The following ZNF469 variants were observed in gnomAD, a reference collection of about 807,000 sequenced individuals.
ZNF469 encodes zinc finger protein 469.
In ZNF469, 1 loss-of-function variant was observed where a neutral mutation model predicts 1.0. That is an observed-to-expected ratio of 1.00 (90% CI 0.35 to 4.73). The LOEUF (loss-of-function observed/expected upper bound fraction) is 4.73, where lower values mean the gene tolerates loss of function less well. Among genes scored for constraint, ZNF469 ranks in the 30% most tolerant of loss-of-function variants. ZNF469 has a pLI of 0.16. For synonymous variants in ZNF469, 2,703 were observed against 2,363.4 expected, an observed-to-expected ratio of 1.14 and a Z score of -4.17; for missense variants, 6,100 against 5,356.3, an observed-to-expected ratio of 1.14 and a Z score of -4.33.
Position 88,429,354 on chromosome 16 carries a change from C to G in ZNF469, c.1884C>G (p.Pro628=). 1.3e-6 allele frequency: 2 copies of G among 1,549,858 alleles called. No homozygotes were observed. Among genetic ancestry groups the G allele is most frequent in the Non-Finnish European group, 1.7e-6 (2 of 1,146,784 alleles). Residue 628 remains proline, a synonymous_variant, in exon 3 of 3, where the codon CCC becomes CCG. Coordinates refer to ENST00000565624, the MANE Select transcript of ZNF469 (RefSeq NM_001367624.2). ...CAGAGGAAAGCCAGCTCCCCGGCCC[C>G]CTCGGGCCCTCGGCCTTCTTCCACC... ...PSSEESQLPG[P]LGPSAFFHPP...
chr16:88,181,361 C>T, the ZNF469 span, among the ~76,000 whole-genome samples: 3 of 152,208 alleles, frequency 2.0e-5, no homozygotes, highest in Admixed American at 2.0e-4. Context: ...TGAGCCACCA[C>T]TCCCGGCCAG....
the ZNF469 span, among the ~76,000 whole-genome samples, chr16:88,146,027 A>G: frequency 6.6e-6 from 1 of 152,202 alleles, no homozygotes; most frequent in Non-Finnish European, 1.5e-5. Flanking sequence ...GAGAACAGGA[A>G]CAGCAGCTTC....
rs565191167 is a variant in ZNF469 at position 88,391,578 on chromosome 16, A to G, written c.-192+8324A>G. 5.9e-5 allele frequency among the ~76,000 whole-genome samples: 9 copies of G among 152,364 alleles called. No homozygotes were observed. In the South Asian group the frequency reaches 1.4e-3, roughly 25 times the overall value. ...AGTGGTCCCCACAGGCACAGGCCCA[A>G]TGCCTCGGGATCGGGAGCCTCTGAC... On this transcript the variant is annotated intron_variant, in intron 1 of 2. Transcript: ENST00000565624.
At chr16:88,308,515 C>T in the ZNF469 span, among the ~76,000 whole-genome samples, 1 of 152,210 alleles carries the variant, frequency 6.6e-6, no homozygotes, top group Non-Finnish European at 1.5e-5. Context: ...TCTCCCCCAG[C>T]CTGCCCCTCC....
chr16:88,327,135 C>G, the ZNF469 span, among the ~76,000 whole-genome samples: 2 of 152,188 alleles, frequency 1.3e-5, no homozygotes, highest in African/African-American at 4.8e-5. Context: ...TCCCCCATCC[C>G]AAATAGTGTC....
At chr16:88,380,965 CATGCACTCACACAT>C (rs1227203050), upstream of ZNF469, among the ~76,000 whole-genome samples, 13 of 147,038 alleles carry the variant, frequency 8.8e-5, no homozygotes, top group Admixed American at 5.4e-4. Flanking sequence ...CACACACAGA[CATGCACTCACACAT>C]ATGCACTCAC....
the ZNF469 span, among the ~76,000 whole-genome samples, chr16:88,264,730 G>A: frequency 6.6e-6 from 1 of 151,794 alleles, no homozygotes; most frequent in South Asian, 2.1e-4. Context: ...CCGCTCCCCC[G>A]AGCCCCTCCC....
rs145660031 is a variant in ZNF469 at position 88,396,143 on chromosome 16, G to A, written c.-192+12889G>A. Among the ~76,000 whole-genome samples the A allele has an allele frequency of 2.6e-3, 392 of 152,348 alleles. 6 individuals carry two copies. The highest frequency in any genetic ancestry group is 0.017 in the Admixed American group (265 of 15,304). The stretch of plus-strand genomic sequence containing the variant: ...CAGGTGCTTGTACTTTGGGTCTGTT[G>A]AGTGCGAGTGACAGAAACACAACTC... On this transcript the variant is annotated intron_variant, in intron 1 of 2. Transcript: ENST00000565624.
At chr16:88,392,593 C>G (rs1449346943) in intron 1 of ZNF469, among the ~76,000 whole-genome samples, 1 of 152,244 alleles carries the variant, frequency 6.6e-6, no homozygotes, top group Non-Finnish European at 1.5e-5. Context: ...GGGTCTGCAT[C>G]TGAGGCTGCT....
the ZNF469 span, among the ~76,000 whole-genome samples, chr16:88,351,624 A>G: frequency 6.6e-6 from 1 of 152,048 alleles, no homozygotes; most frequent in Admixed American, 6.5e-5. Context: ...ACACTGACCA[A>G]GTCCCGTGCT....
chr16:88,353,604 G>A, the ZNF469 span, among the ~76,000 whole-genome samples: 1 of 152,222 alleles, frequency 6.6e-6, no homozygotes, highest in African/African-American at 2.4e-5. Context: ...TTCCCTGCTC[G>A]GTGTTGCTTC....
At chr16:88,427,324 A>C in intron 2 of ZNF469, 21 bp from the exon 3 acceptor site, 1 of 848,460 alleles carries the variant, frequency 1.2e-6, no homozygotes. Flanking sequence ...TGCCCCACTC[A>C]CCCCTGACCT....
the ZNF469 span, among the ~76,000 whole-genome samples, chr16:88,121,745 C>T: frequency 4.2e-3 from 633 of 152,338 alleles, 1 homozygote; most frequent in African/African-American, 0.014. Context: ...TTGCAGGCCG[C>T]ACTGCAGAGT....
the ZNF469 span, among the ~76,000 whole-genome samples, chr16:88,139,463 C>A: frequency 1.4e-5 from 2 of 146,788 alleles, 1 homozygote; most frequent in African/African-American, 5.0e-5. Context: ...GTCCCCTGGC[C>A]TGGGGATGTG....
chr16:88,117,861 C>T, the ZNF469 span, among the ~76,000 whole-genome samples: 4 of 152,344 alleles, frequency 2.6e-5, no homozygotes, highest in South Asian at 4.1e-4. Context: ...TCAGAGGCAG[C>T]TATGGCAAAG....
the ZNF469 span, among the ~76,000 whole-genome samples, chr16:88,136,871 C>G: frequency 6.6e-6 from 1 of 152,308 alleles, no homozygotes; most frequent in African/African-American, 2.4e-5. Context: ...AGGGCTTTGT[C>G]CTGAGCCTGG....
At chr16:88,113,842 G>A in the ZNF469 span, among the ~76,000 whole-genome samples, 26 of 152,318 alleles carry the variant, frequency 1.7e-4, no homozygotes, top group East Asian at 4.6e-3. Context: ...TCTTGCTTTG[G>A]AAAGCTCACC....
At chr16:88,275,319 T>C in the ZNF469 span, among the ~76,000 whole-genome samples, 1 of 152,194 alleles carries the variant, frequency 6.6e-6, no homozygotes, top group Non-Finnish European at 1.5e-5. Flanking sequence ...CCTCCGGTGC[T>C]CTGCACTTTT....
the ZNF469 span, among the ~76,000 whole-genome samples, chr16:88,376,147 C>T: frequency 6.6e-6 from 1 of 152,250 alleles, no homozygotes; most frequent in East Asian, 1.9e-4. Context: ...CCACAAGGGC[C>T]AGTTGTCTGC....
Sources: allele counts gnomAD v4.1 joint callset (sites outside exome capture counted in the v4.1 genomes callset), GRCh38; gene constraint gnomAD v4.1.1; transcripts MANE v1.5; gene names NCBI Gene and HGNC (gene_info 2026-07-23, HGNC 2026-07-21).